The following LRP1B variants were observed in gnomAD, a reference collection of about 807,000 sequenced individuals.
LRP1B encodes the protein LDL receptor related protein 1B.
Under a neutral mutation model 556.6 loss-of-function variants are expected in LRP1B, and 217 were observed. The ratio of observed to expected loss-of-function variants is 0.39; its 90% CI spans 0.35 to 0.44. LRP1B has a LOEUF of 0.44. Ranked by LOEUF, LRP1B falls within the 20% of genes least tolerant of loss-of-function variation. LRP1B has a pLI of 1.00. For synonymous variants in LRP1B, 2,047 were observed against 1,865.8 expected (o/e 1.10, Z -2.50); for missense variants, 5,053 against 5,620.8 (o/e 0.90, Z 3.23).
intron 55 of LRP1B, among the ~76,000 whole-genome samples, chr2:140,498,421 T>G (rs1689040295): frequency 1.3e-5 from 2 of 152,050 alleles, no homozygotes; most frequent in South Asian, 4.1e-4. Context: ...TGGTAAATTA[T>G]CCTTCCTATC....
chr2:140,314,558 T>G lies in LRP1B; in HGVS notation c.12805+377A>C, dbSNP rs141941769. Among the ~76,000 whole-genome samples the G allele has an allele frequency of 4.6e-5, 7 of 152,218 alleles. No homozygotes were observed. In the East Asian group the frequency reaches 1.2e-3, roughly 25 times the overall value. On this transcript the variant is annotated intron_variant, in intron 83 of 90. Coordinates refer to ENST00000389484, the MANE Select transcript of LRP1B (RefSeq NM_018557.3). ...TTATTTACATTTAAAATAATCCTAA[T>G]TTTCAATAACAATTGATTTTTAGCA...
chr2:141,583,818 C>A (rs1291118382), intron 2 of LRP1B, among the ~76,000 whole-genome samples: 1 of 151,922 alleles, frequency 6.6e-6, no homozygotes, highest in Admixed American at 6.6e-5. Flanking sequence ...CGGCTCACTG[C>A]AACTTCTGCC....
At chr2:141,697,251 C>T (rs2105455451) in intron 2 of LRP1B, among the ~76,000 whole-genome samples, 1 of 151,886 alleles carries the variant, frequency 6.6e-6, no homozygotes, top group Admixed American at 6.6e-5. Flanking sequence ...TTTGTCACCC[C>T]ATGCATTTTA....
chr2:140,593,371 G>T (rs1027254493), intron 43 of LRP1B, among the ~76,000 whole-genome samples: 1 of 152,154 alleles, frequency 6.6e-6, no homozygotes, highest in Non-Finnish European at 1.5e-5. Flanking sequence ...CAGGGAGATA[G>T]GTTATAATCA....
intron 82 of LRP1B, 46 bp from the exon 83 acceptor site, chr2:140,315,145 A>G: frequency 3.9e-6 from 5 of 1,288,612 alleles, no homozygotes; most frequent in Non-Finnish European, 5.4e-6. Flanking sequence ...TTCAGGGAGT[A>G]ATTTAATAAA....
At chr2:141,814,003 G>A (rs1411808858) in intron 1 of LRP1B, among the ~76,000 whole-genome samples, 3 of 152,170 alleles carry the variant, frequency 2.0e-5, no homozygotes, top group African/African-American at 7.2e-5. Context: ...ACACAGGACA[G>A]TGTAAAGAAC....
chr2:140,503,842 G>A (rs1157957251), intron 53 of LRP1B, among the ~76,000 whole-genome samples: 2 of 152,080 alleles, frequency 1.3e-5, no homozygotes, highest in East Asian at 3.9e-4. Flanking sequence ...TGTTTTAAGT[G>A]GGAGGGGGTA....
intron 3 of LRP1B, among the ~76,000 whole-genome samples, chr2:141,440,167 G>T (rs1048478662): frequency 6.6e-6 from 1 of 152,210 alleles, no homozygotes; most frequent in Non-Finnish European, 1.5e-5. Flanking sequence ...CAAAGGAGCA[G>T]AGCTGGACTA....
At chr2:141,513,518 A>G (rs1267659633) in intron 2 of LRP1B, among the ~76,000 whole-genome samples, 2 of 152,120 alleles carry the variant, frequency 1.3e-5, no homozygotes, top group African/African-American at 4.8e-5. Context: ...AGCCAGGACA[A>G]TATTATACTA....
At chr2:141,840,547 A>G (rs1483316682) in intron 1 of LRP1B, among the ~76,000 whole-genome samples, 1 of 151,898 alleles carries the variant, frequency 6.6e-6, no homozygotes, top group African/African-American at 2.4e-5. Flanking sequence ...GAGAGCCACC[A>G]CGCCCGGCAT....
chr2:141,484,802 T>C (rs571923934), intron 2 of LRP1B, among the ~76,000 whole-genome samples: 2 of 152,188 alleles, frequency 1.3e-5, no homozygotes, highest in Non-Finnish European at 2.9e-5. Context: ...GTGATTTTTG[T>C]ACGTTGATTT....
At chr2:140,321,834 AT>A in intron 82 of LRP1B, 128 bp downstream of exon 82, 1 of 849,974 alleles carries the variant, frequency 1.2e-6, no homozygotes, top group Non-Finnish European at 1.9e-6. Context: ...TTACACAGGC[AT>A]TCAAGAACCA....
intron 55 of LRP1B, among the ~76,000 whole-genome samples, chr2:140,498,068 T>C (rs1300579740): frequency 2.0e-5 from 3 of 151,848 alleles, no homozygotes; most frequent in Admixed American, 2.0e-4. Flanking sequence ...ATAAATTCAA[T>C]GGAAGAAAAT....
chr2:140,968,323 T>C (rs1342764973), intron 18 of LRP1B, among the ~76,000 whole-genome samples: 1 of 152,052 alleles, frequency 6.6e-6, no homozygotes, highest in African/African-American at 2.4e-5. Flanking sequence ...TGCACAGAGG[T>C]GTTTATAGTA....
At chr2:140,813,990 T>A (rs1217390034) in intron 31 of LRP1B, among the ~76,000 whole-genome samples, 184 bp from the exon 32 acceptor site, 5 of 152,152 alleles carry the variant, frequency 3.3e-5, no homozygotes, top group Non-Finnish European at 7.3e-5. Context: ...TGTTAATTTT[T>A]TAGAGACAGG....
intron 1 of LRP1B, among the ~76,000 whole-genome samples, chr2:141,814,498 C>T (rs1479352276): frequency 6.6e-6 from 1 of 152,140 alleles, no homozygotes; most frequent in Non-Finnish European, 1.5e-5. Flanking sequence ...AATGTTATTG[C>T]AATCATCTAG....
Position 140,756,521 on chromosome 2 carries a change from G to A in LRP1B, c.5758+12692C>T, listed in dbSNP as rs191013558. ...ATGAGATAGAATTTAGATAAATAAA[G>A]CCTCACATTTACAATCAAATGATTT... On this transcript the variant is annotated intron_variant, in intron 35 of 90. Transcript: ENST00000389484. Among the ~76,000 whole-genome samples, 20 of 152,044 alleles carry A rather than the reference G, an allele frequency of 1.3e-4. No homozygotes were observed. In the East Asian group the frequency reaches 3.9e-3, roughly 29 times the overall value.
chr2:140,677,441 G>A (rs1685709637), intron 41 of LRP1B, among the ~76,000 whole-genome samples: 1 of 151,970 alleles, frequency 6.6e-6, no homozygotes, highest in African/African-American at 2.4e-5. Flanking sequence ...TTTAGGAGGA[G>A]GCTTACTGAA....
Position 141,049,022 on chromosome 2 carries a change from T to A in LRP1B, c.1753A>T (p.Ile585Leu). ...TTSFLIGRQKIDGTERETILK... is the reference protein window; with the variant it reads ...TTSFLIGRQKLDGTERETILK... ...ATGGTTTCTCTCTCTGTGCCATCTA[T>A]CTTCTGCCGGCCAATTAGGAAACTG... The change falls in exon 11 of 91, where the codon ATA (isoleucine) becomes TTA (leucine). Residue 585 changes from isoleucine to leucine, a missense_variant. Around this residue, in one of 5 missense-constraint regions of LRP1B, gnomAD observed 3,619 missense variants for 3,931.9 expected, o/e 0.92. Transcript: ENST00000389484. 6.2e-7 allele frequency: 1 copy of A among 1,613,488 alleles called. No homozygotes were observed. Among genetic ancestry groups the A allele is most frequent in the Non-Finnish European group, 8.5e-7 (1 of 1,179,630 alleles).
Sources: gnomAD v4.1 joint callset for allele counts (sites outside exome capture counted in the v4.1 genomes callset) on GRCh38, gnomAD v4.1.1 for gene constraint, gnomAD v4.1.1 regional missense constraint, MANE v1.5 for transcripts, NCBI Gene and HGNC (gene_info 2026-07-23, HGNC 2026-07-21) for gene names.